LITAF: variants seen among roughly 807,000 people sequenced by gnomAD.
LITAF encodes the protein lipopolysaccharide induced TNF factor, also known as lipopolysaccharide-induced tumor necrosis factor-alpha factor.
In LITAF, 9 loss-of-function variants were observed where a neutral mutation model predicts 14.5. That is an observed-to-expected ratio of 0.62 (90% confidence interval 0.37 to 1.08). LITAF has a LOEUF of 1.08. LITAF is among the 50% of genes least tolerant of loss of function. The pLI is 0.01. For missense variants in LITAF, 206 were observed against 213.4 expected (o/e 0.97, Z 0.22); for synonymous variants, 98 against 88.2 (o/e 1.11, Z -0.62).
At chr16:11,628,019 A>T (rs1209241013) in intron 3 of LITAF, among the ~76,000 whole-genome samples, 4 of 150,726 alleles carry the variant, frequency 2.7e-5, no homozygotes, top group Non-Finnish European at 5.9e-5. Context: ...CAAAAAAAAA[A>T]AAAAAAAAAA....
rs763270452 is a variant in LITAF, at chr16:11,551,759, G to C, written c.377+1774C>G. On this transcript the variant is annotated intron_variant, in intron 3 of 3. Coordinates refer to ENST00000622633, the MANE Select transcript of LITAF (RefSeq NM_001136472.2). ...AGCTGGGCGGATTGCAGGAGCCCAG[G>C]AGATCAAAGCTGCGGAGAGCTACGA... 4.4e-5 allele frequency: 30 copies of C among 686,754 alleles called. 2 individuals are homozygous for C. In the Middle Eastern group the frequency reaches 8.6e-4, roughly 20 times the overall value. The allele number at this position is 686,754 out of a possible 1,614,324, so 42.5% of individuals were successfully genotyped here.
intron 1 of LITAF, among the ~76,000 whole-genome samples, chr16:11,564,716 G>A (rs879750376): frequency 2.0e-5 from 3 of 152,100 alleles, no homozygotes; most frequent in Non-Finnish European, 2.9e-5. Context: ...CGGGAAGCCC[G>A]GGGTGGCCAG....
intron 3 of LITAF, among the ~76,000 whole-genome samples, chr16:11,623,386 G>A (rs2065063169): frequency 6.6e-6 from 1 of 152,044 alleles, no homozygotes; most frequent in Admixed American, 6.6e-5. Context: ...CTCAGGCTGG[G>A]CGTGGTGGCT....
intron 3 of LITAF, among the ~76,000 whole-genome samples, chr16:11,551,400 G>A (rs1224660539): frequency 6.6e-6 from 1 of 152,184 alleles, no homozygotes; most frequent in African/African-American, 2.4e-5. Context: ...GAAGCACAGA[G>A]AGGTAAAGTC....
chr16:11,637,982 ATCTATATATATCTATATATATC>A, upstream of LITAF, among the ~76,000 whole-genome samples: 1 of 74,812 alleles, frequency 1.3e-5, no homozygotes, highest in African/African-American at 9.6e-5. Context: ...ATCTATATAT[ATCTATATATATCTATATATATC>A]TATATATATC....
rs2064211198 is a variant in LITAF at position 11,553,349 on chromosome 16, T to G, written c.377+184A>C. ...TCGTTTGAACCTGAGCAGTGGGGGT[T>G]ACAGTGAGCCGAGATCGCCCCACTG... On this transcript the variant is annotated intron_variant, in intron 3 of 3. Transcript: ENST00000622633. This position sits in a 1 kb window ranked among gnomAD's most constrained non-coding sequence, Gnocchi z 7.7. The G allele has an allele frequency of 7.8e-6, 5 of 644,944 alleles. No individual in the cohort carries two copies. The highest frequency in any genetic ancestry group is 1.4e-5 in the Non-Finnish European group (5 of 367,150). 40.0% of individuals were successfully genotyped at this position (644,944 alleles called of 1,614,324 possible). A position where few individuals can be genotyped will look rare whatever the true frequency, so the allele number is the denominator to read the frequency against.
chr16:11,587,407 A>G (rs988165862), upstream of LITAF: 6 of 453,392 alleles, frequency 1.3e-5, no homozygotes, highest in Admixed American at 2.4e-5. Flanking sequence ...CTGTAACTCT[A>G]CAGACGCGTC....
rs757636321 is a variant in LITAF, at chr16:11,549,916, G to A, written c.378-171C>T. 9.9e-4 allele frequency: 632 copies of A among 637,818 alleles called. 5 individuals carry two copies. The highest frequency in any genetic ancestry group is 6.0e-4 in the Non-Finnish European group (206 of 344,660). The allele number at this position is 637,818 out of a possible 1,614,324, so 39.5% of individuals were successfully genotyped here. A position where few individuals can be genotyped will look rare whatever the true frequency, so the allele number is the denominator to read the frequency against. On this transcript the variant is annotated intron_variant, in intron 3 of 3. Transcript: ENST00000622633. This position sits in a 1 kb window ranked among gnomAD's most constrained non-coding sequence, Gnocchi z 4.6. ...TCCAGGCGGACCCCTAAAACCCAAT[G>A]ACCTTAGAAGAAGAGGAGAGGACAC... is the stretch of plus-strand genomic sequence containing the variant.
intron 1 of LITAF, 59 bp from the exon 2 acceptor site, chr16:11,556,794 T>C (rs2064278118): frequency 7.3e-7 from 1 of 1,375,400 alleles, no homozygotes; most frequent in Admixed American, 1.8e-5. Flanking sequence ...CCTCTCTTTT[T>C]CACCTAAGTC....
intron 3 of LITAF, chr16:11,551,878 G>T (rs2064187549): frequency 2.2e-6 from 1 of 451,170 alleles, no homozygotes; most frequent in Non-Finnish European, 3.9e-6. Flanking sequence ...TGATTCCAAA[G>T]ATAAAAAATT....
chr16:11,624,935 T>A (rs1247643999), intron 3 of LITAF, among the ~76,000 whole-genome samples: 1 of 152,090 alleles, frequency 6.6e-6, no homozygotes, highest in Non-Finnish European at 1.5e-5. Context: ...GACTGCCCGA[T>A]AAGACTACCC....
chr16:11,637,046 G>A (rs980730009), upstream of LITAF, among the ~76,000 whole-genome samples: 10 of 152,144 alleles, frequency 6.6e-5, no homozygotes, highest in East Asian at 1.7e-3. Context: ...CTGTAAAAGT[G>A]AGCCCAGCTA....
intron 1 of LITAF, among the ~76,000 whole-genome samples, chr16:11,566,197 T>C (rs538782940): frequency 2.4e-4 from 36 of 152,274 alleles, no homozygotes; most frequent in African/African-American, 8.2e-4. Flanking sequence ...TATCTGGTCA[T>C]AGACCCCATA....
chr16:11,622,970 A>G (rs1267587420), intron 3 of LITAF, among the ~76,000 whole-genome samples: 1 of 91,482 alleles, frequency 1.1e-5, no homozygotes, highest in Non-Finnish European at 2.4e-5. Flanking sequence ...ATATATATAT[A>G]TAATTTTTTT....
At chr16:11,599,231 G>A (rs945195835), upstream of LITAF, among the ~76,000 whole-genome samples, 1 of 151,936 alleles carries the variant, frequency 6.6e-6, no homozygotes, top group Non-Finnish European at 1.5e-5. Context: ...CGATTCTCCT[G>A]CCTCAGCCTC....
At chr16:11,610,305 G>A (rs2064975663) in intron 3 of LITAF, among the ~76,000 whole-genome samples, 1 of 152,264 alleles carries the variant, frequency 6.6e-6, no homozygotes, top group Non-Finnish European at 1.5e-5. Context: ...GCAGGCTCCA[G>A]GCCAAGAATG....
chr16:11,639,114 T>G (rs1310551957), upstream of LITAF, among the ~76,000 whole-genome samples: 2 of 148,894 alleles, frequency 1.3e-5, no homozygotes, highest in Non-Finnish European at 3.0e-5. Flanking sequence ...GTTAGAGGGA[T>G]GGTTAGAGGG....
intron 1 of LITAF, among the ~76,000 whole-genome samples, chr16:11,565,128 G>A (rs866003301): frequency 6.8e-6 from 1 of 148,058 alleles, no homozygotes; most frequent in African/African-American, 2.5e-5. Flanking sequence ...CGTCGCTCAG[G>A]CTGGAGTACA....
Position 11,553,425 on chromosome 16 carries a change from C to A in LITAF, c.377+108G>T. 1 of 1,242,350 alleles carries A rather than the reference C, an allele frequency of 8.0e-7. No homozygotes were observed. Among genetic ancestry groups the A allele is most frequent in the Non-Finnish European group, 1.1e-6 (1 of 874,950 alleles). 77.0% of individuals were successfully genotyped at this position (1,242,350 alleles called of 1,614,324 possible). ...GATTCCATCTCAAAAAAAAACAACA[C>A]AAATGTCTGGCCCTGAATGTCAAGC... On this transcript the variant is annotated intron_variant, in intron 3 of 3. Coordinates refer to ENST00000622633, the MANE Select transcript of LITAF (RefSeq NM_001136472.2). This position sits in a 1 kb window ranked among gnomAD's most constrained non-coding sequence, Gnocchi z 7.7.
Sources: gnomAD v4.1 joint callset for allele counts (sites outside exome capture counted in the v4.1 genomes callset) on GRCh38, gnomAD v4.1.1 for gene constraint, Gnocchi (gnomAD v3.1) non-coding constraint, MANE v1.5 for transcripts, NCBI Gene and HGNC (gene_info 2026-07-23, HGNC 2026-07-21) for gene names.